KLHL29: variants seen among roughly 807,000 people sequenced by gnomAD.
The protein encoded by KLHL29 is kelch-like protein 29.
KLHL29 carries 21 observed loss-of-function variants against 80.4 expected under a neutral mutation model. The observed-to-expected ratio is 0.26, with a 90% CI of 0.19 to 0.38. The LOEUF is 0.38. Among genes scored for constraint, KLHL29 ranks in the 10% least tolerant of loss-of-function variants. The pLI is 1.00. For missense variants in KLHL29, 867 were observed against 1,223.9 expected, an observed-to-expected ratio of 0.71 and a Z score of 4.35; for synonymous variants, 511 against 526.8, an observed-to-expected ratio of 0.97 and a Z score of 0.41.
intron 5 of KLHL29, among the ~76,000 whole-genome samples, chr2:23,674,390 C>T (rs984508868): frequency 4.6e-5 from 7 of 152,168 alleles, no homozygotes; most frequent in African/African-American, 1.4e-4. Context: ...CCTCATTCAG[C>T]GGTGGACATG....
chr2:23,486,516 A>G (rs1028595567), intron 2 of KLHL29, among the ~76,000 whole-genome samples: 8 of 152,128 alleles, frequency 5.3e-5, no homozygotes, highest in African/African-American at 1.9e-4. Flanking sequence ...GACGCTCTGG[A>G]TGGGGCCATG....
chr2:23,421,290 A>G (rs1662793437), intron 1 of KLHL29, among the ~76,000 whole-genome samples: 1 of 152,154 alleles, frequency 6.6e-6, no homozygotes, highest in Admixed American at 6.5e-5. Flanking sequence ...TGGTCTGTCC[A>G]TTGCTGAAGG....
At chr2:23,528,546 C>T (rs1355168434) in intron 2 of KLHL29, among the ~76,000 whole-genome samples, 1 of 152,208 alleles carries the variant, frequency 6.6e-6, no homozygotes, top group African/African-American at 2.4e-5. Context: ...GACCCTGAGC[C>T]CAGAGAGCCT....
intron 1 of KLHL29, among the ~76,000 whole-genome samples, chr2:23,421,127 G>A (rs1410189540): frequency 1.3e-5 from 2 of 152,152 alleles, no homozygotes; most frequent in East Asian, 3.9e-4. Flanking sequence ...GTGTAGACAA[G>A]GCTCCAGCCC....
chr2:23,555,144 T>C (rs1667253398), intron 2 of KLHL29, among the ~76,000 whole-genome samples: 1 of 150,354 alleles, frequency 6.7e-6, no homozygotes, highest in Non-Finnish European at 1.5e-5. Flanking sequence ...AACTTGTGTC[T>C]CCCAGTGTCC....
chr2:23,582,132 A>G (rs920963986), intron 3 of KLHL29, among the ~76,000 whole-genome samples: 25 of 152,188 alleles, frequency 1.6e-4, no homozygotes, highest in African/African-American at 6.0e-4. Flanking sequence ...TCCCAGCGCC[A>G]ATAGTTTTCT....
intron 3 of KLHL29, among the ~76,000 whole-genome samples, chr2:23,583,668 G>A (rs950481532): frequency 2.6e-5 from 4 of 152,156 alleles, no homozygotes; most frequent in Admixed American, 6.5e-5. Flanking sequence ...AAAGGGAGCC[G>A]ACATTGGGAC....
At chr2:23,501,201 C>T (rs893642435) in intron 2 of KLHL29, among the ~76,000 whole-genome samples, 2 of 152,092 alleles carry the variant, frequency 1.3e-5, no homozygotes, top group African/African-American at 4.8e-5. Context: ...CGCGTGAACA[C>T]GTCGGGCAGA....
At chr2:23,437,592 G>C (rs372099283) in intron 1 of KLHL29, among the ~76,000 whole-genome samples, 1 of 151,766 alleles carries the variant, frequency 6.6e-6, no homozygotes, top group Non-Finnish European at 1.5e-5. Flanking sequence ...TTCACTTGGC[G>C]TACAGCCTAC....
rs1478387216 is a variant in KLHL29 at position 23,457,074 on chromosome 2, G to A, written c.-153-18486G>A. ...TTCCGAGGCCCCTCCCCAGGCATCT[G>A]CTGAGACCCTCCCTTGTGCCAGGCC... On this transcript the variant is annotated intron_variant, in intron 1 of 13. Coordinates refer to ENST00000486442, the MANE Select transcript of KLHL29 (RefSeq NM_052920.2). The surrounding 1 kb of genome is among the most constrained non-coding windows in gnomAD (Gnocchi z 4.3). 6.6e-6 allele frequency among the ~76,000 whole-genome samples: 1 copy of A among 152,250 alleles called. No individual in the cohort carries two copies. Among genetic ancestry groups the A allele is most frequent in the Admixed American group, 6.5e-5 (1 of 15,284 alleles).
At chr2:23,537,502 G>T (rs141592548) in intron 2 of KLHL29, among the ~76,000 whole-genome samples, 65 of 151,840 alleles carry the variant, frequency 4.3e-4, no homozygotes, top group South Asian at 6.2e-4. Flanking sequence ...TCGGGAGGAG[G>T]CATCCTGTGT....
In KLHL29 at chr2:23,682,710, A is replaced by C. The variant is rs1671124016; in HGVS notation, c.941-1689A>C. The stretch of plus-strand genomic sequence containing the variant: ...CTCCCGCACCCTCCCGCGCCCTCCC[A>C]CTGGTGCTCTGAGCCTGTTGGTCTC... On this transcript the variant is annotated intron_variant, in intron 5 of 13. Transcript: ENST00000486442. The surrounding 1 kb of genome is among the most constrained non-coding windows in gnomAD (Gnocchi z 4.1). 1.4e-5 allele frequency among the ~76,000 whole-genome samples: 2 copies of C among 141,484 alleles called. No homozygotes were observed. The allele number at this position is 141,484 out of a possible 152,430, so 92.8% of individuals were successfully genotyped here.
chr2:23,403,715 G>GAT (rs1182337317), intron 1 of KLHL29, among the ~76,000 whole-genome samples: 4 of 129,786 alleles, frequency 3.1e-5, no homozygotes, highest in Non-Finnish European at 6.1e-5. Context: ...AACCCAAAGA[G>GAT]AGAGAGAGAG....
chr2:23,708,287 C>T lies in KLHL29; in HGVS notation c.*1623C>T, dbSNP rs529870804. On this transcript the variant is annotated 3_prime_UTR_variant, in exon 14 of 14. Transcript: ENST00000486442. ...AAAGTAATAAGCACAAAACTACATACATTGTATGTCATTTAAAGTATTTAT... is the reference window on the plus strand; with the variant it reads ...AAAGTAATAAGCACAAAACTACATATATTGTATGTCATTTAAAGTATTTAT... The T allele has an allele frequency of 5.3e-5, 8 of 152,304 alleles. No individual in the cohort carries two copies. The highest frequency in any genetic ancestry group is 3.9e-4 in the Admixed American group (6 of 15,298). The allele number at this position is 152,304 out of a possible 1,614,324, so 9.4% of individuals were successfully genotyped here.
At chr2:23,494,908 TTGA>T (rs1665212957) in intron 2 of KLHL29, among the ~76,000 whole-genome samples, 1 of 152,234 alleles carries the variant, frequency 6.6e-6, no homozygotes, top group South Asian at 2.1e-4. Flanking sequence ...TATCCTGGTC[TTGA>T]TGAAGCGACA....
At chr2:23,697,132 A>C (rs1379437369) in intron 11 of KLHL29, 2 of 152,512 alleles carry the variant, frequency 1.3e-5, no homozygotes, top group Admixed American at 6.5e-5. Context: ...AAGCCAAAGG[A>C]CCACGTGTGA....
intron 1 of KLHL29, among the ~76,000 whole-genome samples, chr2:23,420,882 C>T (rs1229329686): frequency 6.6e-6 from 1 of 152,150 alleles, no homozygotes; most frequent in Non-Finnish European, 1.5e-5. Flanking sequence ...TTATACCCAA[C>T]CTTCAAAGCC....
rs183377235 is a variant in KLHL29, at chr2:23,591,325, G to T, written c.285+28844G>T. On this transcript the variant is annotated intron_variant, in intron 3 of 13. Transcript: ENST00000486442. ...CAAGGAAAGAGCCAGGACACAGTCC[G>T]CAGGCTCCTGTGTCCTGTCCCGTCC... Among the ~76,000 whole-genome samples the T allele has an allele frequency of 5.0e-3, 761 of 152,272 alleles. 5 individuals are homozygous for T. Among genetic ancestry groups the T allele is most frequent in the African/African-American group, 0.017 (696 of 41,532 alleles).
chr2:23,547,828 A>C (rs1053006677), intron 2 of KLHL29, among the ~76,000 whole-genome samples: 1 of 152,132 alleles, frequency 6.6e-6, no homozygotes, highest in African/African-American at 2.4e-5. Context: ...CTCTGTAGTG[A>C]GAAGACAGCA....
Sources: gnomAD v4.1 joint callset for allele counts (sites outside exome capture counted in the v4.1 genomes callset) on GRCh38, gnomAD v4.1.1 for gene constraint, Gnocchi (gnomAD v3.1) non-coding constraint, MANE v1.5 for transcripts, NCBI Gene and HGNC (gene_info 2026-07-23, HGNC 2026-07-21) for gene names.